The following MID1 variants were observed in gnomAD, a reference collection of about 807,000 sequenced individuals.
MID1 encodes the protein E3 ubiquitin-protein ligase Midline-1.
MID1 carries 7 observed loss-of-function variants against 40.4 expected under a neutral mutation model. That is an observed-to-expected ratio of 0.17 (90% CI 0.10 to 0.33). MID1 has a LOEUF of 0.33. MID1 is among the 10% of genes least tolerant of loss of function. The pLI, the probability that MID1 is intolerant of heterozygous loss-of-function variation, is 1.00. For synonymous variants in MID1, 229 were observed against 221.2 expected, an observed-to-expected ratio of 1.04 and a Z score of -0.31; for missense variants, 367 against 558.5, an observed-to-expected ratio of 0.66 and a Z score of 3.46.
chrX:10,560,508 G>A (rs755293998), intron 2 of MID1, among the ~76,000 whole-genome samples: 2 of 111,254 alleles, frequency 1.8e-5, no homozygotes, highest in African/African-American at 6.5e-5. Flanking sequence ...AAGCTGATAA[G>A]CAACTTCAGC....
chrX:10,675,122 C>T (rs190796581), intron 1 of MID1, among the ~76,000 whole-genome samples: 39 of 112,037 alleles, frequency 3.5e-4, no homozygotes, highest in Middle Eastern at 4.7e-3. Context: ...ATTAAGTAAA[C>T]TGAAGTAACA....
chrX:10,555,178 C>T (rs936074626), intron 2 of MID1, among the ~76,000 whole-genome samples: 1 of 111,647 alleles, frequency 9.0e-6, no homozygotes, highest in Non-Finnish European at 1.9e-5. Flanking sequence ...GTCCAGCCCG[C>T]GAACAGTAGA....
intron 1 of MID1, among the ~76,000 whole-genome samples, chrX:10,575,406 G>T (rs1183630434): frequency 1.8e-5 from 2 of 112,026 alleles, no homozygotes; most frequent in African/African-American, 3.2e-5. Context: ...GAAGGGACTT[G>T]CTCTCATCTT....
At chrX:10,757,500 A>G (rs2043639470) in intron 1 of MID1, among the ~76,000 whole-genome samples, 1 of 112,588 alleles carries the variant, frequency 8.9e-6, no homozygotes, top group Non-Finnish European at 1.9e-5. Context: ...TGTTTCATCA[A>G]TGAAAACTAA....
intron 1 of MID1, among the ~76,000 whole-genome samples, chrX:10,791,213 G>A (rs1602580711): frequency 8.9e-6 from 1 of 112,220 alleles, no homozygotes; most frequent in African/African-American, 3.2e-5. Flanking sequence ...GGCATTGGGA[G>A]CACAGATGGG....
At chrX:10,783,867 C>A (rs1407476440) in intron 1 of MID1, among the ~76,000 whole-genome samples, 1 of 108,370 alleles carries the variant, frequency 9.2e-6, no homozygotes, top group Non-Finnish European at 1.9e-5. Context: ...AGATTAAAAA[C>A]AGACTTGTAG....
intron 1 of MID1, among the ~76,000 whole-genome samples, chrX:10,728,460 A>G (rs1337866812): frequency 8.9e-6 from 1 of 112,345 alleles, no homozygotes; most frequent in African/African-American, 3.2e-5. Flanking sequence ...CAGGAGGGAA[A>G]AAGGCATTTT....
intron 1 of MID1, among the ~76,000 whole-genome samples, chrX:10,646,936 G>A (rs922623711): frequency 1.8e-5 from 2 of 111,779 alleles, no homozygotes; most frequent in African/African-American, 3.3e-5. Flanking sequence ...TCAGAGAAAC[G>A]AAAAGAAGGC....
At chrX:10,819,198 C>A (rs981938700) in intron 1 of MID1, among the ~76,000 whole-genome samples, 1 of 109,845 alleles carries the variant, frequency 9.1e-6, no homozygotes, top group Non-Finnish European at 1.9e-5. Flanking sequence ...TCTCTGTGCA[C>A]ATGCGTGAGA....
intron 2 of MID1, among the ~76,000 whole-genome samples, chrX:10,531,029 A>G (rs1203274089): frequency 8.9e-6 from 1 of 111,918 alleles, no homozygotes; most frequent in Non-Finnish European, 1.9e-5. Context: ...AGGTCTGGAT[A>G]CCTTTCAAGG....
chrX:10,540,480 T>C (rs1409731383), intron 2 of MID1, among the ~76,000 whole-genome samples: 2 of 111,788 alleles, frequency 1.8e-5, no homozygotes, highest in Admixed American at 9.5e-5. Flanking sequence ...TTATAAAGCC[T>C]GATGCATTGC....
At chrX:10,769,305 CA>C (rs1222387600) in intron 1 of MID1, among the ~76,000 whole-genome samples, 4 of 104,685 alleles carry the variant, frequency 3.8e-5, no homozygotes, top group Admixed American at 1.0e-4. Context: ...AAACCCCAAA[CA>C]AAAAAAAAAG....
At chrX:10,456,642 G>C (rs1390722126) in intron 8 of MID1, among the ~76,000 whole-genome samples, 2 of 111,868 alleles carry the variant, frequency 1.8e-5, no homozygotes, top group African/African-American at 3.3e-5. Context: ...TTCAAGACCA[G>C]CTTGGCCAAC....
intron 1 of MID1, among the ~76,000 whole-genome samples, chrX:10,724,443 T>C (rs1431660356): frequency 8.9e-6 from 1 of 111,997 alleles, no homozygotes; most frequent in Non-Finnish European, 1.9e-5. Flanking sequence ...ATGTTCATCT[T>C]GAAGGAGCTT....
chrX:10,518,152 A>G, intron 3 of MID1, among the ~76,000 whole-genome samples: 1 of 112,407 alleles, frequency 8.9e-6, no homozygotes, highest in Non-Finnish European at 1.9e-5. Flanking sequence ...TCTCTAGAAC[A>G]GAAAGTCATG....
intron 2 of MID1, chrX:10,565,156 T>G (rs1270546165): frequency 3.0e-6 from 1 of 329,910 alleles, no homozygotes; most frequent in African/African-American, 2.6e-5. Context: ...TGCCATGCAC[T>G]GTTCTGGAAA....
intron 3 of MID1, among the ~76,000 whole-genome samples, chrX:10,516,605 T>TGCGC: frequency 1.6e-5 from 1 of 62,148 alleles, no homozygotes; most frequent in South Asian, 9.1e-4. Flanking sequence ...TGTGTGTGTG[T>TGCGC]GTGTGCGCGC....
chrX:10,700,514 T>C (rs367952685), intron 1 of MID1, among the ~76,000 whole-genome samples: 1 of 110,965 alleles, frequency 9.0e-6, no homozygotes, highest in Non-Finnish European at 1.9e-5. Flanking sequence ...CATGGCACCA[T>C]TGCACTCCAG....
At chrX:10,813,249 G>A (rs892037546) in intron 1 of MID1, among the ~76,000 whole-genome samples, 7 of 110,020 alleles carry the variant, frequency 6.4e-5, no homozygotes, top group Non-Finnish European at 1.3e-4. Context: ...GTAGATTCCC[G>A]AGTTAGATTG....
Sources: allele counts gnomAD v4.1 joint callset (sites outside exome capture counted in the v4.1 genomes callset), GRCh38; gene constraint gnomAD v4.1.1; transcripts MANE v1.5; gene names NCBI Gene and HGNC (gene_info 2026-07-23, HGNC 2026-07-21).